Variants in CTNNA3 observed in about 807,000 individuals in gnomAD.
The protein encoded by CTNNA3 is catenin alpha 3, also known as catenin alpha-3.
CTNNA3 carries 76 observed loss-of-function variants against 95.7 expected under a neutral mutation model. The observed-to-expected ratio is 0.79, with a 90% CI of 0.66 to 0.96. CTNNA3 has a LOEUF of 0.96. Ranked by LOEUF, CTNNA3 falls within the 40% of genes least tolerant of loss-of-function variation. The pLI is 0.00. For synonymous variants in CTNNA3, 431 were observed against 374.4 expected (o/e 1.15, Z -1.74); for missense variants, 1,191 against 1,089.8 (o/e 1.09, Z -1.31).
intron 9 of CTNNA3, among the ~76,000 whole-genome samples, chr10:66,736,898 C>G (rs1849162822): frequency 6.6e-6 from 1 of 152,056 alleles, no homozygotes; most frequent in African/African-American, 2.4e-5. Flanking sequence ...AGTTGAAAAA[C>G]ATTTGATTTT....
intron 13 of CTNNA3, among the ~76,000 whole-genome samples, chr10:66,104,927 ATAT>A (rs1448294935): frequency 6.6e-6 from 1 of 152,212 alleles, no homozygotes; most frequent in Non-Finnish European, 1.5e-5. Context: ...TGATTAGCTC[ATAT>A]TATATAGCAA....
At chr10:66,959,067 G>T (rs1848984521) in intron 7 of CTNNA3, among the ~76,000 whole-genome samples, 1 of 152,044 alleles carries the variant, frequency 6.6e-6, no homozygotes, top group Non-Finnish European at 1.5e-5. Flanking sequence ...CCAAGCGCTG[G>T]TATCCACAGG....
intron 9 of CTNNA3, among the ~76,000 whole-genome samples, chr10:66,696,974 G>T (rs1205695597): frequency 3.3e-5 from 5 of 151,866 alleles, no homozygotes; most frequent in African/African-American, 1.2e-4. Flanking sequence ...CTATGGGCCA[G>T]ATTTCTCTCT....
chr10:66,155,373 T>C (rs16922546), intron 13 of CTNNA3, among the ~76,000 whole-genome samples: 129 of 151,824 alleles, frequency 8.5e-4, no homozygotes, highest in African/African-American at 3.1e-3. Context: ...AAAATCAGTA[T>C]CTGTGTTATA....
At chr10:66,762,201 C>T (rs939211312) in intron 9 of CTNNA3, among the ~76,000 whole-genome samples, 1 of 152,006 alleles carries the variant, frequency 6.6e-6, no homozygotes, top group Non-Finnish European at 1.5e-5. Context: ...GATAACGGTG[C>T]CCTAAATCAC....
intron 2 of CTNNA3, among the ~76,000 whole-genome samples, chr10:67,607,957 A>C (rs1013192476): frequency 6.6e-6 from 1 of 152,268 alleles, no homozygotes; most frequent in Non-Finnish European, 1.5e-5. Flanking sequence ...GCAGCATACA[A>C]TAAACATATA....
intron 15 of CTNNA3, among the ~76,000 whole-genome samples, chr10:66,065,972 T>C (rs1312795627): frequency 2.0e-5 from 3 of 152,176 alleles, no homozygotes; most frequent in Non-Finnish European, 2.9e-5. Context: ...CAAGTGATTC[T>C]CCTGCCTCAG....
chr10:66,667,966 G>C lies in CTNNA3; in HGVS notation c.1282-46182C>G, dbSNP rs187491182. On this transcript the variant is annotated intron_variant, in intron 9 of 17. Coordinates refer to ENST00000433211, the MANE Select transcript of CTNNA3 (RefSeq NM_013266.4). ...TGCCCATTAAAGTATCACAGAAGAT[G>C]ATAAAAATAAATTGTTTGATTTACT... 3.3e-3 allele frequency among the ~76,000 whole-genome samples: 506 copies of C among 152,160 alleles called. 1 individual carries two copies. Among genetic ancestry groups the C allele is most frequent in the Non-Finnish European group, 5.9e-3 (403 of 68,002 alleles).
intron 1 of CTNNA3, among the ~76,000 whole-genome samples, chr10:67,723,647 C>T (rs1346622229): frequency 2.0e-5 from 3 of 152,142 alleles, no homozygotes; most frequent in South Asian, 2.1e-4. Context: ...GATCCTAAAT[C>T]GTAGCTTCAT....
rs560601202 is a variant in CTNNA3 at position 66,714,419 on chromosome 10, T to C, written c.1281+51845A>G. Among the ~76,000 whole-genome samples the C allele has an allele frequency of 2.9e-4, 44 of 152,176 alleles. 1 individual carries two copies. Among genetic ancestry groups the C allele is most frequent in the Non-Finnish European group, 5.4e-4 (37 of 68,024 alleles). ...GATACACAGTTATCCTCAACACTTG[T>C]GTCTTCCTTATCCAGACCTTGCAAA... On this transcript the variant is annotated intron_variant, in intron 9 of 17. Transcript: ENST00000433211.
At chr10:66,199,805 A>ATATATATTTTTTTTT (rs1564756586) in intron 13 of CTNNA3, among the ~76,000 whole-genome samples, 1 of 14,292 alleles carries the variant, frequency 7.0e-5, no homozygotes, top group Non-Finnish European at 1.1e-4. Context: ...ATATATATAT[A>ATATATATTTTTTTTT]TTTTTTTTTT....
chr10:65,934,024 A>G (rs1374523035), intron 17 of CTNNA3, among the ~76,000 whole-genome samples: 2 of 152,190 alleles, frequency 1.3e-5, no homozygotes, highest in Non-Finnish European at 2.9e-5. Context: ...CTGTATCCAT[A>G]TTGAAATTAT....
chr10:66,847,812 G>T (rs1312077542), intron 7 of CTNNA3, among the ~76,000 whole-genome samples: 1 of 152,058 alleles, frequency 6.6e-6, no homozygotes, highest in East Asian at 1.9e-4. Flanking sequence ...GAATAATAAA[G>T]CCATTATGTC....
At chr10:67,666,792 A>C (rs1269569570) in intron 1 of CTNNA3, among the ~76,000 whole-genome samples, 1 of 152,174 alleles carries the variant, frequency 6.6e-6, no homozygotes, top group Admixed American at 6.5e-5. Context: ...TTTAGAGCCC[A>C]GATTAATGCT....
chr10:66,631,004 G>C (rs180990458), intron 9 of CTNNA3, among the ~76,000 whole-genome samples: 45 of 152,236 alleles, frequency 3.0e-4, no homozygotes, highest in Middle Eastern at 3.4e-3. Flanking sequence ...CTAAAACTCT[G>C]TCTCCAAATA....
chr10:67,733,392 G>A (rs867630829), intron 1 of CTNNA3, among the ~76,000 whole-genome samples: 10 of 152,094 alleles, frequency 6.6e-5, no homozygotes, highest in African/African-American at 2.4e-4. Context: ...CATCTAAAAT[G>A]GAATTCTGGG....
intron 7 of CTNNA3, among the ~76,000 whole-genome samples, chr10:67,088,987 G>T (rs1003841078): frequency 6.6e-6 from 1 of 151,920 alleles, no homozygotes; most frequent in East Asian, 1.9e-4. Flanking sequence ...TGACTACTTA[G>T]ATAGAATATA....
At chr10:67,015,230 A>G (rs1331535711) in intron 7 of CTNNA3, 3 of 152,132 alleles carry the variant, frequency 2.0e-5, no homozygotes, top group African/African-American at 7.2e-5. Context: ...TACCATTTAT[A>G]TGCTATTCTC....
chr10:66,842,938 C>A (rs1471699714), intron 7 of CTNNA3, among the ~76,000 whole-genome samples: 2 of 151,980 alleles, frequency 1.3e-5, no homozygotes, highest in East Asian at 3.9e-4. Context: ...ATAAGGTGCA[C>A]CAAAACAAGA....
Sources: gnomAD v4.1 joint callset for allele counts (sites outside exome capture counted in the v4.1 genomes callset) on GRCh38, gnomAD v4.1.1 for gene constraint, MANE v1.5 for transcripts, NCBI Gene and HGNC (gene_info 2026-07-23, HGNC 2026-07-21) for gene names.